The following PRRC2A variants were observed in gnomAD, a reference collection of about 807,000 sequenced individuals.
The protein encoded by PRRC2A is protein PRRC2A.
PRRC2A carries 59 observed loss-of-function variants against 224.6 expected under a neutral mutation model. The ratio of observed to expected loss-of-function variants is 0.26; its 90% confidence interval spans 0.21 to 0.33. The LOEUF is 0.33. PRRC2A is among the 10% of genes least tolerant of loss of function. The probability of loss-of-function intolerance (pLI) is 1.00; values close to 1 mark genes in which losing one functional copy is unlikely to be tolerated. For synonymous variants in PRRC2A, 1,194 were observed against 1,109.5 expected (o/e 1.08, Z -1.51); for missense variants, 3,095 against 2,880.7 (o/e 1.07, Z -1.70).
At position 31,632,462 on chromosome 6, in the gene PRRC2A, A is replaced by G. The variant is rs763784959; in HGVS notation, c.3789A>G (p.Glu1263=). The part of the protein sequence containing the change: ...KPPRFRRLKQ[E]RENAARGSEG... ...CTCGTTTCCGGAGGCTGAAGCAGGA[A>G]CGGGAGAATGCCGCAAGGGGGTCTG... The change falls in exon 16 of 31, where the codon GAA becomes GAG. Residue 1263 remains glutamate, a synonymous_variant. Coordinates refer to ENST00000376033, the MANE Select transcript of PRRC2A (RefSeq NM_004638.4). 6.2e-7 allele frequency: 1 copy of G among 1,606,434 alleles called. No individual in the cohort carries two copies. The highest frequency in any genetic ancestry group is 8.5e-7 in the Non-Finnish European group (1 of 1,175,462).
Position 31,628,160 on chromosome 6 carries a change from T to C in PRRC2A, c.1686T>C (p.Gly562=). The C allele has an allele frequency of 6.2e-7, 1 of 1,613,050 alleles. No homozygotes were observed. The highest frequency in any genetic ancestry group is 8.5e-7 in the Non-Finnish European group (1 of 1,180,018). Residue 562 remains glycine (G), a synonymous_variant, in exon 12 of 31, where the codon GGT becomes GGC. Transcript: ENST00000376033. The part of the protein sequence containing the change: ...APPAQSTPTP[G]VAAAPTLVSG... Reference sequence around the variant, plus strand: ...CTGCCCAATCTACTCCTACTCCAGGTGTGGCTGCGGCTCCCACTCTGGTGA... The same window carrying C: ...CTGCCCAATCTACTCCTACTCCAGGCGTGGCTGCGGCTCCCACTCTGGTGA...
At position 31,636,565 on chromosome 6, in the gene PRRC2A, G is replaced by A; in HGVS notation, c.5891G>A (p.Gly1964Asp). 6.2e-7 allele frequency: 1 copy of A among 1,608,030 alleles called. No individual in the cohort carries two copies. Among genetic ancestry groups the A allele is most frequent in the South Asian group, 1.1e-5 (1 of 90,356 alleles). ...SDFYSTPLQP[G>D]GQSGFLPSGA... ...TTTTATTCTACTCCTCTGCAGCCTGGTGGCCAAAGTGGCTTTCTCCCTTCA... is the reference window on the plus strand; with the variant it reads ...TTTTATTCTACTCCTCTGCAGCCTGATGGCCAAAGTGGCTTTCTCCCTTCA... The change falls in exon 27 of 31, where the codon GGT becomes GAT. Residue 1964 changes from glycine to aspartate, a missense_variant. By Grantham distance (94) the Gly-to-Asp change is moderately conservative. Coordinates refer to ENST00000376033, the MANE Select transcript of PRRC2A (RefSeq NM_004638.4). The surrounding 1 kb of genome is among the most constrained non-coding windows in gnomAD (Gnocchi z 4.3).
At position 31,631,822 on chromosome 6, in the gene PRRC2A, G is replaced by A. The variant is rs765571850; in HGVS notation, c.3149G>A (p.Arg1050Gln). Residue 1050 changes from arginine (R) to glutamine (Q), a missense_variant, in exon 16 of 31, where the codon CGA becomes CAA. This residue lies in a region of PRRC2A where 2,001 missense variants were observed against 1,764.9 expected (regional missense o/e 1.13). Coordinates refer to ENST00000376033, the MANE Select transcript of PRRC2A (RefSeq NM_004638.4). The surrounding 1 kb of genome is among the most constrained non-coding windows in gnomAD (Gnocchi z 4.5). ...GTYGGRGRGA[R>Q]SREFRSYREF... ...TATGGGGGACGAGGGCGGGGAGCCC[G>A]AAGCCGGGAATTCCGCAGTTACCGA... 42 of 1,595,382 alleles carry A rather than the reference G, an allele frequency of 2.6e-5. No individual in the cohort carries two copies. The highest frequency in any genetic ancestry group is 1.3e-4 in the South Asian group (12 of 89,368).
In PRRC2A at chr6:31,632,872, G is replaced by T; in HGVS notation, c.4199G>T (p.Gly1400Val). Residue 1400 changes from glycine (G) to valine (V), a missense_variant, in exon 16 of 31, where the codon GGC (glycine) becomes GTC (valine). Physicochemically the swap from Gly to Val is moderately radical, Grantham distance 109. Coordinates refer to ENST00000376033, the MANE Select transcript of PRRC2A (RefSeq NM_004638.4). ...ATGGAACGGCAGAATCGGCGCCCTG[G>T]CCCAGGGGGCAAGGCTGGCAGCAGT... is the stretch of plus-strand genomic sequence containing the variant. ...PGMERQNRRPGPGGKAGSSGS... is the reference protein window; with the variant it reads ...PGMERQNRRPVPGGKAGSSGS... 1 of 1,613,054 alleles carries T rather than the reference G, an allele frequency of 6.2e-7. No homozygotes were observed. Among genetic ancestry groups the T allele is most frequent in the Non-Finnish European group, 8.5e-7 (1 of 1,179,984 alleles).
intron 3 of PRRC2A, 36 bp downstream of exon 3, chr6:31,623,945 A>AT: frequency 1.2e-6 from 2 of 1,604,442 alleles, no homozygotes; most frequent in South Asian, 2.2e-5. Context: ...AGTGATGGGT[A>AT]TTTTAACTTG....
chr6:31,626,243 G>A lies in PRRC2A; in HGVS notation c.982+81G>A, dbSNP rs1475801103. On this transcript the variant is annotated intron_variant, in intron 9 of 30. Coordinates refer to ENST00000376033, the MANE Select transcript of PRRC2A (RefSeq NM_004638.4). Reference sequence around the variant, plus strand: ...GAAAAAAAAATACAGGGTTATGTGGGTGAAAGGCAGACATTGAAGTGTAGG... The same window carrying A: ...GAAAAAAAAATACAGGGTTATGTGGATGAAAGGCAGACATTGAAGTGTAGG... 4 of 1,476,716 alleles carry A rather than the reference G, an allele frequency of 2.7e-6. No homozygotes were observed. The East Asian group carries it at 9.1e-5, about 34-fold the overall frequency. The allele number at this position is 1,476,716 out of a possible 1,614,324, so 91.5% of individuals were successfully genotyped here.
Position 31,636,402 on chromosome 6 carries a change from G to A in PRRC2A, c.5818G>A (p.Asp1940Asn). ...GGCTTTCTGCCCCAGTCCTTTGCCT[G>A]ACACATCGTTGCTTCAGGTAAGAGG... ...SPAFCPSPLP[D>N]TSLLQVRQDL... Residue 1940 changes from aspartate to asparagine, a missense_variant, in exon 26 of 31, where the codon GAC (aspartate) becomes AAC (asparagine). Transcript: ENST00000376033. The surrounding 1 kb of genome is among the most constrained non-coding windows in gnomAD (Gnocchi z 4.3). 2 of 1,612,918 alleles carry A rather than the reference G, an allele frequency of 1.2e-6. No individual in the cohort carries two copies. Among genetic ancestry groups the A allele is most frequent in the South Asian group, 2.2e-5 (2 of 91,082 alleles).
chr6:31,623,749 C>A lies in PRRC2A; in HGVS notation c.130C>A (p.Leu44Met). Residue 44 changes from leucine (L) to methionine (M), a missense_variant, in exon 3 of 31, where the codon CTG becomes ATG. Leu to Met is a conservative substitution (Grantham distance 15, BLOSUM62 2). Coordinates refer to ENST00000376033, the MANE Select transcript of PRRC2A (RefSeq NM_004638.4). ...QKPAVAPRHG[L>M]QSLGKVAIAR... ...TTCTCCAGTTGCCCCTCGCCATGGC[C>A]TGCAGAGTCTCGGGAAAGTTGCCAT... The A allele has an allele frequency of 6.2e-7, 1 of 1,614,194 alleles. No individual in the cohort carries two copies.
At position 31,624,748 on chromosome 6, in the gene PRRC2A, G is replaced by A. The variant is rs116608969; in HGVS notation, c.463+226G>A. Among the ~76,000 whole-genome samples, 385 of 152,334 alleles carry A rather than the reference G, an allele frequency of 2.5e-3. 2 individuals carry two copies. Among genetic ancestry groups the A allele is most frequent in the Middle Eastern group, 0.014 (4 of 294 alleles). On this transcript the variant is annotated intron_variant, in intron 5 of 30. Transcript: ENST00000376033. ...GGGGAATAAGCAGTTATTCTGTAGG[G>A]GGGTGAGTTTGAAGGCGGGAAACCT... is the stretch of plus-strand genomic sequence containing the variant.
intron 1 of PRRC2A, among the ~76,000 whole-genome samples, chr6:31,622,141 C>G (rs1055009362): frequency 6.6e-6 from 1 of 152,164 alleles, no homozygotes; most frequent in East Asian, 1.9e-4. Flanking sequence ...TGGTACCAAC[C>G]CCCATTCCGG....
chr6:31,623,106 C>T (rs1316141287), intron 2 of PRRC2A: 2 of 762,152 alleles, frequency 2.6e-6, no homozygotes. Context: ...GTCTGTGGTT[C>T]CCTGTCTTTG....
chr6:31,627,619 A>C lies in PRRC2A; in HGVS notation c.1291-146A>C. ...CGTGGTCTCAAAGAAGACCAGGATA[A>C]TGAGTTTGTCACCACCCAGAGAGAT... On this transcript the variant is annotated intron_variant, in intron 11 of 30. Coordinates refer to ENST00000376033, the MANE Select transcript of PRRC2A (RefSeq NM_004638.4). This position sits in a 1 kb window ranked among gnomAD's most constrained non-coding sequence, Gnocchi z 5.6. The C allele has an allele frequency of 9.6e-7, 1 of 1,042,680 alleles. No individual in the cohort carries two copies. The highest frequency in any genetic ancestry group is 2.8e-5 in the Admixed American group (1 of 35,656). 64.6% of individuals were successfully genotyped at this position (1,042,680 alleles called of 1,614,324 possible). A position where few individuals can be genotyped will look rare whatever the true frequency, so the allele number is the denominator to read the frequency against.
chr6:31,635,830 T>C, intron 24 of PRRC2A, 81 bp downstream of exon 24: 1 of 1,489,302 alleles, frequency 6.7e-7, no homozygotes, highest in Non-Finnish European at 9.0e-7. Flanking sequence ...AATCAAGCCT[T>C]TCTACGTTGC....
At position 31,632,779 on chromosome 6, in the gene PRRC2A, C is replaced by G. The variant is rs769457025; in HGVS notation, c.4106C>G (p.Ser1369Cys). ...GGAVPGISAM[S>C]RGDLSQRAKD... ...GCCGTACCAGGTATTTCAGCCATGT[C>G]CCGCGGAGATCTGAGCCAGAGAGCC... The change falls in exon 16 of 31, where the codon TCC (serine) becomes TGC (cysteine). Residue 1369 changes from serine (S) to cysteine (C), a missense_variant. By Grantham distance (112) the Ser-to-Cys change is moderately radical. Transcript: ENST00000376033. 2.2e-5 allele frequency: 36 copies of G among 1,612,964 alleles called. No homozygotes were observed. The highest frequency in any genetic ancestry group is 1.8e-4 in the South Asian group (16 of 91,084).
intron 2 of PRRC2A, chr6:31,623,259 ATTTT>A (rs3993756): frequency 0.048 from 15,281 of 319,536 alleles, 149 homozygotes; most frequent in East Asian, 0.15. Flanking sequence ...GATTTCATAG[ATTTT>A]TTTTTTTTTT....
Position 31,624,377 on chromosome 6 carries a change from A to C in PRRC2A, c.390+17A>C. 6.2e-7 allele frequency: 1 copy of C among 1,611,344 alleles called. No homozygotes were observed. The highest frequency in any genetic ancestry group is 8.5e-7 in the Non-Finnish European group (1 of 1,177,432). On this transcript the variant is annotated intron_variant, in intron 4 of 30. Coordinates refer to ENST00000376033, the MANE Select transcript of PRRC2A (RefSeq NM_004638.4). ...GCCCCCGAGGTACCTGGAGAACTGG[A>C]GGGGTGGGGAGGAAGAATGGTTCAT...
chr6:31,633,893 A>C lies in PRRC2A; in HGVS notation c.4623A>C (p.Arg1541Ser). 1.1e-6 allele frequency: 1 copy of C among 898,778 alleles called. No individual in the cohort carries two copies. The highest frequency in any genetic ancestry group is 1.6e-6 in the Non-Finnish European group (1 of 614,042). 55.7% of individuals were successfully genotyped at this position (898,778 alleles called of 1,614,324 possible). A position where few individuals can be genotyped will look rare whatever the true frequency, so the allele number is the denominator to read the frequency against. ...TTGAGGAGCCGGGGCCAATGGTGAG[A>C]GGGGTGGGTGGGACTCCTCGGGACT... ...PHFEEPGPMV[R>S]GVGGTPRDSA... Residue 1541 changes from arginine to serine, a missense_variant, in exon 18 of 31, where the codon AGA becomes AGC. By Grantham distance (110) the Arg-to-Ser change is moderately radical. Around this residue, in one of 8 missense-constraint regions of PRRC2A, gnomAD observed 2,001 missense variants for 1,764.9 expected, o/e 1.13. Transcript: ENST00000376033.
chr6:31,624,210 AG>A, intron 3 of PRRC2A, 50 bp from the exon 4 acceptor site: 1 of 1,531,908 alleles, frequency 6.5e-7, no homozygotes, highest in Non-Finnish European at 9.0e-7. Flanking sequence ...CAGTTGGAGA[AG>A]TCAGGGAGGC....
At position 31,636,970 on chromosome 6, in the gene PRRC2A, A is replaced by T; in HGVS notation, c.6147+25A>T. 1 of 1,605,046 alleles carries T rather than the reference A, an allele frequency of 6.2e-7. No individual in the cohort carries two copies. The highest frequency in any genetic ancestry group is 8.5e-7 in the Non-Finnish European group (1 of 1,174,258). On this transcript the variant is annotated intron_variant, in intron 28 of 30. Transcript: ENST00000376033. This position sits in a 1 kb window ranked among gnomAD's most constrained non-coding sequence, Gnocchi z 4.3. ...GGTAAGGTACAGGAACTGAGGGGCT[A>T]GGGAGCGCCAAGACTTGGGAGTAGG...
Sources: gnomAD v4.1 joint callset for allele counts (sites outside exome capture counted in the v4.1 genomes callset) on GRCh38, gnomAD v4.1.1 for gene constraint, gnomAD v4.1.1 regional missense constraint, Gnocchi (gnomAD v3.1) non-coding constraint, MANE v1.5 for transcripts, NCBI Gene and HGNC (gene_info 2026-07-23, HGNC 2026-07-21) for gene names.